Variants in ZFP2 observed in about 807,000 individuals in gnomAD.
The protein encoded by ZFP2 is zinc finger protein ZFP2.
ZFP2 carries 33 observed loss-of-function variants against 36.1 expected under a neutral mutation model. The observed-to-expected ratio is 0.92, with a 90% confidence interval of 0.69 to 1.22. The LOEUF is 1.22. Ranked by LOEUF, ZFP2 falls within the 50% of genes most tolerant of loss-of-function variation. ZFP2 has a pLI of 0.00. For synonymous variants in ZFP2, 170 were observed against 178.0 expected (o/e 0.96, Z 0.36); for missense variants, 522 against 551.4 (o/e 0.95, Z 0.53).
chr5:178,927,887 C>T (rs544108689), intron 4 of ZFP2, among the ~76,000 whole-genome samples: 13 of 151,570 alleles, frequency 8.6e-5, no homozygotes, highest in Non-Finnish European at 4.4e-5. Flanking sequence ...GTTCTACAGG[C>T]TGTACGGGAA....
chr5:178,903,881 C>T (rs918474876), intron 1 of ZFP2, among the ~76,000 whole-genome samples: 1 of 152,132 alleles, frequency 6.6e-6, no homozygotes, highest in African/African-American at 2.4e-5. Flanking sequence ...GTCCCAGCTA[C>T]TGGGGAGGCT....
intron 3 of ZFP2, 91 bp from the exon 4 acceptor site, chr5:178,916,474 C>A: frequency 1.3e-6 from 1 of 795,044 alleles, no homozygotes; most frequent in Non-Finnish European, 1.5e-6. Flanking sequence ...GTGTCCATTG[C>A]AGTGGGAGAA....
At chr5:178,922,704 A>G in intron 4 of ZFP2, 1 of 1,580,838 alleles carries the variant, frequency 6.3e-7, no homozygotes. Context: ...AAAGCAACTT[A>G]CATACAAGAA....
Position 178,914,660 on chromosome 5 carries a change from G to T in ZFP2, c.-224+1589G>T, listed in dbSNP as rs563918784. ...GGAGACAATAAAGGAAGAAGGGAGG[G>T]GGGGACAGAAGGGAAAGGAAAGGAG... is the stretch of plus-strand genomic sequence containing the variant. On this transcript the variant is annotated intron_variant, in intron 3 of 4. Coordinates refer to ENST00000361362, the MANE Select transcript of ZFP2 (RefSeq NM_030613.4). Among the ~76,000 whole-genome samples, 35 of 152,180 alleles carry T rather than the reference G, an allele frequency of 2.3e-4. 1 individual carries two copies. In the South Asian group the frequency reaches 6.6e-3, roughly 29 times the overall value.
chr5:178,926,720 G>A (rs111820192), intron 4 of ZFP2, among the ~76,000 whole-genome samples: 12,828 of 151,950 alleles, frequency 0.084, 681 homozygotes, highest in Non-Finnish European at 0.12. Flanking sequence ...GGGTTTCACC[G>A]TGTTAGCCAG....
At chr5:178,897,783 C>T (rs6895371) in intron 1 of ZFP2, among the ~76,000 whole-genome samples, 21,339 of 152,010 alleles carry the variant, frequency 0.14, 1,734 homozygotes, top group African/African-American at 0.23. Flanking sequence ...GTTTTATTTA[C>T]AGCTGTATCC....
At chr5:178,898,355 G>T (rs1289990585) in intron 1 of ZFP2, among the ~76,000 whole-genome samples, 1 of 152,202 alleles carries the variant, frequency 6.6e-6, no homozygotes, top group Non-Finnish European at 1.5e-5. Flanking sequence ...ATGAATTAAA[G>T]AAATGACATC....
rs745927279 is a variant in ZFP2, at chr5:178,932,421, A to G, written c.1108A>G (p.Thr370Ala). 6.2e-7 allele frequency: 1 copy of G among 1,614,080 alleles called. No individual in the cohort carries two copies. The highest frequency in any genetic ancestry group is 8.5e-7 in the Non-Finnish European group (1 of 1,180,028). ...ACATTTCACTGGACGATCATCCCTT[A>G]CCGTGCATCAGGTCATTCACACTGG... ...GKHFTGRSSL[T>A]VHQVIHTGEK... The change falls in exon 5 of 5, where the codon ACC (threonine) becomes GCC (alanine). Residue 370 changes from threonine (T) to alanine (A), a missense_variant. Transcript: ENST00000361362.
At chr5:178,927,709 G>GTA in intron 4 of ZFP2, among the ~76,000 whole-genome samples, 1 of 141,080 alleles carries the variant, frequency 7.1e-6, no homozygotes, top group Non-Finnish European at 1.5e-5. Flanking sequence ...GTGTGTGTGT[G>GTA]TGTTTTAGTA....
chr5:178,896,434 G>T (rs1757941749), intron 1 of ZFP2, among the ~76,000 whole-genome samples: 1 of 151,612 alleles, frequency 6.6e-6, no homozygotes, highest in Non-Finnish European at 1.5e-5. Context: ...CGGACATCCC[G>T]GGGATTCTGG....
intron 4 of ZFP2, 89 bp from the exon 5 acceptor site, chr5:178,931,148 C>T: frequency 7.5e-7 from 1 of 1,336,180 alleles, no homozygotes; most frequent in Non-Finnish European, 9.8e-7. Context: ...TAGTTGATAG[C>T]TAGTTTAATT....
chr5:178,921,837 T>G (rs2113107519), intron 4 of ZFP2, among the ~76,000 whole-genome samples: 1 of 149,500 alleles, frequency 6.7e-6, no homozygotes, highest in Admixed American at 6.7e-5. Flanking sequence ...TTCAAATAAT[T>G]GCTTCATGCT....
rs191628032 is a variant in ZFP2, at chr5:178,905,007, G to C, written c.-449-7577G>C. Among the ~76,000 whole-genome samples the C allele has an allele frequency of 5.3e-5, 8 of 151,888 alleles. No individual in the cohort carries two copies. The East Asian group carries it at 1.5e-3, about 29-fold the overall frequency. ...TGAGCCACTGCGCCCGGCCCATTTT[G>C]GTATTTCGTAAAGCAACTCTTCCCT... On this transcript the variant is annotated intron_variant, in intron 1 of 4. Transcript: ENST00000361362.
chr5:178,931,873 A>G lies in ZFP2; in HGVS notation c.560A>G (p.Gln187Arg). Residue 187 changes from glutamine (Q) to arginine (R), a missense_variant, in exon 5 of 5, where the codon CAG becomes CGG. Physicochemically the swap from Gln to Arg is conservative, Grantham distance 43. Coordinates refer to ENST00000361362, the MANE Select transcript of ZFP2 (RefSeq NM_030613.4). ...QRTHTGEKPY[Q>R]CKECGKAFHK... Reference sequence around the variant, plus strand: ...ACTCACACCGGAGAGAAACCCTATCAGTGTAAAGAGTGTGGCAAAGCCTTC... The same window carrying G: ...ACTCACACCGGAGAGAAACCCTATCGGTGTAAAGAGTGTGGCAAAGCCTTC... The G allele has an allele frequency of 1.2e-6, 2 of 1,612,856 alleles. No individual in the cohort carries two copies.
At chr5:178,902,165 G>C (rs1437580822) in intron 1 of ZFP2, among the ~76,000 whole-genome samples, 1 of 152,056 alleles carries the variant, frequency 6.6e-6, no homozygotes, top group African/African-American at 2.4e-5. Flanking sequence ...TTTCTGGATA[G>C]TCTTCATCTA....
At chr5:178,916,840 C>T (rs1397572198) in intron 4 of ZFP2, 130 bp downstream of exon 4, 1 of 638,214 alleles carries the variant, frequency 1.6e-6, no homozygotes, top group Non-Finnish European at 2.0e-6. Flanking sequence ...TTCTCGCTTT[C>T]TTCCCTTGCC....
At chr5:178,927,519 G>A (rs1484900482) in intron 4 of ZFP2, among the ~76,000 whole-genome samples, 1 of 148,658 alleles carries the variant, frequency 6.7e-6, no homozygotes, top group Non-Finnish European at 1.5e-5. Flanking sequence ...TTTTTGAGAC[G>A]GAGTTTCGCT....
intron 1 of ZFP2, among the ~76,000 whole-genome samples, chr5:178,905,593 C>T (rs1758151024): frequency 6.6e-6 from 1 of 152,066 alleles, no homozygotes; most frequent in Admixed American, 6.6e-5. Context: ...AAGATAAACC[C>T]ATGAAGCTCC....
intron 1 of ZFP2, among the ~76,000 whole-genome samples, chr5:178,901,457 G>A (rs2113049066): frequency 6.6e-6 from 1 of 152,316 alleles, no homozygotes; most frequent in Non-Finnish European, 1.5e-5. Context: ...AACTGGTGGG[G>A]GAATCCTTCC....
Sources: allele counts gnomAD v4.1 joint callset (sites outside exome capture counted in the v4.1 genomes callset), GRCh38; gene constraint gnomAD v4.1.1; transcripts MANE v1.5; gene names NCBI Gene and HGNC (gene_info 2026-07-23, HGNC 2026-07-21).